Variants in ANK2 observed in about 807,000 individuals in gnomAD.
ANK2 encodes the protein ankyrin-2.
A neutral mutation model predicts 360.5 loss-of-function variants in ANK2; 83 were observed. The ratio of observed to expected loss-of-function variants is 0.23; its 90% confidence interval spans 0.19 to 0.28. The LOEUF (loss-of-function observed/expected upper bound fraction) is 0.28. ANK2 is among the 10% of genes least tolerant of loss of function. The probability of loss-of-function intolerance (pLI) is 1.00; values close to 1 mark genes in which losing one functional copy is unlikely to be tolerated. For missense variants in ANK2, 4,201 were observed against 4,795.7 expected, an observed-to-expected ratio of 0.88 and a Z score of 3.66; for synonymous variants, 1,740 against 1,759.5, an observed-to-expected ratio of 0.99 and a Z score of 0.28.
At chr4:112,857,069 C>G (rs2066618595) in intron 1 of ANK2, among the ~76,000 whole-genome samples, 1 of 152,104 alleles carries the variant, frequency 6.6e-6, no homozygotes, top group Non-Finnish European at 1.5e-5. Context: ...TCTTTCTAAA[C>G]TGACTTAGCA....
intron 29 of ANK2, among the ~76,000 whole-genome samples, chr4:113,334,543 A>G (rs1000157364): frequency 4.0e-5 from 6 of 150,968 alleles, no homozygotes; most frequent in Admixed American, 1.3e-4. Flanking sequence ...TAATTAATCT[A>G]TTACTAGAAA....
At chr4:113,178,177 G>T (rs539403205) in intron 2 of ANK2, among the ~76,000 whole-genome samples, 52 of 152,086 alleles carry the variant, frequency 3.4e-4, no homozygotes, top group African/African-American at 1.2e-3. Flanking sequence ...AGGATTGCTT[G>T]AGCCCAGGAG....
In ANK2 at chr4:113,380,341, C is replaced by A. The variant is rs567711256; in HGVS notation, c.11860-1116C>A. Among the ~76,000 whole-genome samples, 26 of 152,168 alleles carry A rather than the reference C, an allele frequency of 1.7e-4. No individual in the cohort carries two copies. In the South Asian group the frequency reaches 5.2e-3, roughly 30 times the overall value. ...CAGTTACAGGAAAATATTAGTATGA[C>A]TTAAAATTAATATGACTATACAAAA... is the stretch of plus-strand genomic sequence containing the variant. On this transcript the variant is annotated intron_variant, in intron 45 of 45. Coordinates refer to ENST00000357077, the MANE Select transcript of ANK2 (RefSeq NM_001148.6).
At chr4:113,019,621 A>C (rs1055265772) in intron 2 of ANK2, among the ~76,000 whole-genome samples, 2 of 152,186 alleles carry the variant, frequency 1.3e-5, no homozygotes, top group African/African-American at 4.8e-5. Context: ...AATCATTTTG[A>C]GACATTAAAA....
chr4:113,282,941 A>C, intron 18 of ANK2, 69 bp downstream of exon 18: 1 of 1,539,922 alleles, frequency 6.5e-7, no homozygotes, highest in Non-Finnish European at 9.0e-7. Context: ...AATCGCAGAC[A>C]GTTTGGAACA....
In ANK2 at chr4:113,125,406, G is replaced by C. The variant is rs188314241; in HGVS notation, c.85-49010G>C. Among the ~76,000 whole-genome samples, 79 of 152,200 alleles carry C rather than the reference G, an allele frequency of 5.2e-4. 1 individual carries two copies. Among genetic ancestry groups the C allele is most frequent in the African/African-American group, 1.8e-3 (73 of 41,540 alleles). On this transcript the variant is annotated intron_variant, in intron 1 of 45. Transcript: ENST00000357077. ...TTTCAAGACATTCAGCAGGATAAGA[G>C]GTGGATGTGAAATCTAAGATTATAA...
intron 23 of ANK2, among the ~76,000 whole-genome samples, chr4:113,310,775 T>C (rs1423982667): frequency 6.6e-6 from 1 of 152,226 alleles, no homozygotes; most frequent in African/African-American, 2.4e-5. Context: ...AATATGCAGC[T>C]TGCACTGTGC....
intron 26 of ANK2, among the ~76,000 whole-genome samples, chr4:113,320,469 T>TG (rs2085477034): frequency 6.6e-6 from 1 of 152,064 alleles, no homozygotes; most frequent in Admixed American, 6.5e-5. Flanking sequence ...CTGAACAACA[T>TG]GGTGAAACCT....
Position 112,833,298 on chromosome 4 carries a change from C to T in ANK2, c.-40+15034C>T, listed in dbSNP as rs150651378. Among the ~76,000 whole-genome samples, 12 of 152,204 alleles carry T rather than the reference C, an allele frequency of 7.9e-5. No homozygotes were observed. In the East Asian group the frequency reaches 1.2e-3, roughly 15 times the overall value. ...ACCATAGTAGCTCTAAAATCTAGAC[C>T]GCTAGAATATTGGATTGAACAGACA... is the stretch of plus-strand genomic sequence containing the variant. On this transcript the variant is annotated intron_variant, in intron 1 of 30. Coordinates refer to the ANK2 transcript ENST00000503271.
chr4:112,980,740 C>T (rs1356226824), intron 2 of ANK2, among the ~76,000 whole-genome samples: 2 of 152,132 alleles, frequency 1.3e-5, no homozygotes, highest in African/African-American at 4.8e-5. Context: ...TCTGTTACTA[C>T]AGCTGACTAT....
At chr4:113,106,880 A>G in intron 1 of ANK2, 1 of 533,358 alleles carries the variant, frequency 1.9e-6, no homozygotes, top group South Asian at 1.4e-5. Flanking sequence ...TGGATCAATT[A>G]TAGGAGTGAA....
chr4:113,229,843 C>G (rs759773923), intron 4 of ANK2, among the ~76,000 whole-genome samples: 8 of 152,200 alleles, frequency 5.3e-5, no homozygotes, highest in Non-Finnish European at 8.8e-5. Flanking sequence ...GCGACCTCTG[C>G]CTGATTCCCT....
rs1872474 is a variant in ANK2 at position 113,147,631 on chromosome 4, A to T, written c.85-26785A>T. On this transcript the variant is annotated intron_variant, in intron 1 of 45. Coordinates refer to ENST00000357077, the MANE Select transcript of ANK2 (RefSeq NM_001148.6). ...CACTTTGGCCATGGAGAAAAAGAAAAAGTTAATGTTTAACTTAATACCAAG... is the reference window on the plus strand; with the variant it reads ...CACTTTGGCCATGGAGAAAAAGAAATAGTTAATGTTTAACTTAATACCAAG... Among the ~76,000 whole-genome samples, 1,435 of 152,304 alleles carry T rather than the reference A, an allele frequency of 9.4e-3. 35 individuals are homozygous for T. Among genetic ancestry groups the T allele is most frequent in the African/African-American group, 0.033 (1,376 of 41,556 alleles).
At chr4:112,905,690 C>G (rs1380523392) in intron 2 of ANK2, among the ~76,000 whole-genome samples, 1 of 152,216 alleles carries the variant, frequency 6.6e-6, no homozygotes, top group Non-Finnish European at 1.5e-5. Flanking sequence ...GAGACAGGGT[C>G]TCCCTCTGTC....
chr4:113,380,157 C>T (rs1018956196), intron 45 of ANK2, among the ~76,000 whole-genome samples: 10 of 151,780 alleles, frequency 6.6e-5, no homozygotes, highest in African/African-American at 2.2e-4. Flanking sequence ...AATGAGGACC[C>T]GCATTTGGAA....
intron 27 of ANK2, 35 bp from the exon 28 acceptor site, chr4:113,331,937 G>C (rs748516123): frequency 6.4e-7 from 1 of 1,572,604 alleles, no homozygotes; most frequent in Admixed American, 1.7e-5. Context: ...GCTTACCTAT[G>C]TTCTTTCTTT....
chr4:113,283,222 C>T (rs2063088053), intron 18 of ANK2, among the ~76,000 whole-genome samples: 1 of 152,160 alleles, frequency 6.6e-6, no homozygotes, highest in African/African-American at 2.4e-5. Flanking sequence ...GTGTCTGCTG[C>T]TCCTCATTCT....
the ANK2 span, among the ~76,000 whole-genome samples, chr4:112,751,840 G>A: frequency 2.0e-5 from 3 of 152,292 alleles, no homozygotes; most frequent in South Asian, 6.2e-4. Context: ...TTCTTATAGG[G>A]GATGTGGAGG....
intron 1 of ANK2, chr4:112,826,830 GA>G: frequency 7.8e-7 from 1 of 1,275,094 alleles, no homozygotes; most frequent in Middle Eastern, 2.2e-4. Flanking sequence ...TAAAGTAAAA[GA>G]GAATGGAACA....
Sources: gnomAD v4.1 joint callset for allele counts (sites outside exome capture counted in the v4.1 genomes callset) on GRCh38, gnomAD v4.1.1 for gene constraint, MANE v1.5 for transcripts, NCBI Gene and HGNC (gene_info 2026-07-23, HGNC 2026-07-21) for gene names.